Variants in KCND3 observed in about 807,000 individuals in gnomAD.
The protein encoded by KCND3 is potassium voltage-gated channel subfamily D member 3, also known as A-type voltage-gated potassium channel KCND3.
In KCND3, 9 loss-of-function variants were observed where a neutral mutation model predicts 51.1. That is an observed-to-expected ratio of 0.18 (90% confidence interval 0.11 to 0.31). The LOEUF (loss-of-function observed/expected upper bound fraction) is 0.31, where lower values mean the gene tolerates loss of function less well. Ranked by LOEUF, KCND3 falls within the 10% of genes least tolerant of loss-of-function variation. The pLI is 1.00. For missense variants in KCND3, 526 were observed against 903.8 expected, an observed-to-expected ratio of 0.58 and a Z score of 5.36; for synonymous variants, 349 against 368.0, an observed-to-expected ratio of 0.95 and a Z score of 0.59.
chr1:111,782,029 A>G (rs1423365785), intron 3 of KCND3, among the ~76,000 whole-genome samples: 69 of 152,228 alleles, frequency 4.5e-4, no homozygotes, highest in Middle Eastern at 6.8e-3. Context: ...CCACAAGGAT[A>G]GCAGACCCAT....
At chr1:111,938,147 G>A (rs924483142) in intron 2 of KCND3, among the ~76,000 whole-genome samples, 2 of 152,170 alleles carry the variant, frequency 1.3e-5, no homozygotes, top group African/African-American at 4.8e-5. Flanking sequence ...AGTGATGGAA[G>A]AAACCCTGGA....
chr1:111,853,797 G>A (rs1391999352), intron 2 of KCND3: 2 of 152,188 alleles, frequency 1.3e-5, no homozygotes, highest in Non-Finnish European at 2.9e-5. Context: ...ATGAATAAAT[G>A]ATTAACCTCA....
At chr1:111,858,612 G>A (rs1435606326) in intron 2 of KCND3, among the ~76,000 whole-genome samples, 2 of 152,000 alleles carry the variant, frequency 1.3e-5, no homozygotes. Flanking sequence ...TAAAAGTGTT[G>A]TGGGCCCTAA....
chr1:111,900,722 C>T (rs184885663), intron 2 of KCND3, among the ~76,000 whole-genome samples: 8 of 152,070 alleles, frequency 5.3e-5, no homozygotes, highest in East Asian at 3.9e-4. Flanking sequence ...TTTGGGAGGC[C>T]GAGGTGGGCG....
chr1:111,791,279 C>T (rs916256618), intron 2 of KCND3, among the ~76,000 whole-genome samples: 5 of 152,290 alleles, frequency 3.3e-5, no homozygotes, highest in Non-Finnish European at 5.9e-5. Context: ...TTTCTGATGG[C>T]TGATGATGTT....
intron 2 of KCND3, among the ~76,000 whole-genome samples, chr1:111,854,719 C>T (rs1412806822): frequency 2.0e-5 from 3 of 152,224 alleles, no homozygotes; most frequent in African/African-American, 7.2e-5. Flanking sequence ...TTGCAAATTG[C>T]TTCATCCATC....
At chr1:111,939,589 T>C (rs1180558759) in intron 2 of KCND3, among the ~76,000 whole-genome samples, 1 of 152,194 alleles carries the variant, frequency 6.6e-6, no homozygotes, top group Non-Finnish European at 1.5e-5. Flanking sequence ...TATTCCATGG[T>C]GTATATGTGC....
At chr1:111,803,277 C>T (rs1184950590) in intron 2 of KCND3, among the ~76,000 whole-genome samples, 1 of 152,180 alleles carries the variant, frequency 6.6e-6, no homozygotes, top group African/African-American at 2.4e-5. Context: ...TGCCTCTCCA[C>T]AGCCTCGCAC....
intron 2 of KCND3, among the ~76,000 whole-genome samples, chr1:111,802,781 G>T (rs1392408137): frequency 6.6e-6 from 1 of 152,188 alleles, no homozygotes; most frequent in Non-Finnish European, 1.5e-5. Flanking sequence ...CCTGCTCAGG[G>T]CCTAGGGACA....
intron 2 of KCND3, among the ~76,000 whole-genome samples, chr1:111,980,230 G>C (rs1164611241): frequency 1.3e-5 from 2 of 151,992 alleles, no homozygotes. Context: ...GTGTGTGTGT[G>C]TGTGTGTGGG....
chr1:111,985,640 T>C (rs1443923), intron 1 of KCND3, among the ~76,000 whole-genome samples: 152,037 of 152,330 alleles, frequency 1, 75,872 homozygotes, highest in Non-Finnish European at 1. Flanking sequence ...TGAGCGTTCT[T>C]TCTCCAGAGT....
At chr1:111,803,163 C>G (rs1571662002) in intron 2 of KCND3, among the ~76,000 whole-genome samples, 1 of 151,942 alleles carries the variant, frequency 6.6e-6, no homozygotes, top group African/African-American at 2.4e-5. Context: ...CCTCTAGTTC[C>G]AGGTGAGATG....
At position 111,981,770 on chromosome 1, in the gene KCND3, G is replaced by A. The variant is rs61733426; in HGVS notation, c.957C>T (p.Ser319=). 128 of 1,614,134 alleles carry A rather than the reference G, an allele frequency of 7.9e-5. No homozygotes were observed. Among genetic ancestry groups the A allele is most frequent in the Non-Finnish European group, 1.0e-4 (123 of 1,180,024 alleles). The change falls in exon 2 of 8, where the codon TCC becomes TCT. Residue 319 remains serine (S), a synonymous_variant. Transcript: ENST00000302127. This position sits in a 1 kb window ranked among gnomAD's most constrained non-coding sequence, Gnocchi z 6.2. ...GGGAGAAGAGAAGAAAGCCCAGTTC[G>A]GAGGCACAGCTCTTCAGTGTGTAGC... The part of the protein sequence containing the change: ...ILGYTLKSCA[S]ELGFLLFSLT...
At chr1:111,805,239 A>G (rs913548471) in intron 2 of KCND3, among the ~76,000 whole-genome samples, 2 of 152,170 alleles carry the variant, frequency 1.3e-5, no homozygotes, top group East Asian at 3.9e-4. Flanking sequence ...AAAAAAAGGT[A>G]AGAAAATCCT....
chr1:111,794,588 G>A (rs1265526168), intron 2 of KCND3, among the ~76,000 whole-genome samples: 2 of 152,232 alleles, frequency 1.3e-5, no homozygotes, highest in Non-Finnish European at 1.5e-5. Context: ...TGGGGATGGG[G>A]CACAGAAGCT....
At chr1:111,904,570 T>C (rs1670550307) in intron 2 of KCND3, among the ~76,000 whole-genome samples, 1 of 152,134 alleles carries the variant, frequency 6.6e-6, no homozygotes, top group Admixed American at 6.5e-5. Flanking sequence ...GTCAGCCTCT[T>C]TCAAAGCTGT....
At chr1:111,968,776 C>T (rs929579636) in intron 2 of KCND3, among the ~76,000 whole-genome samples, 1 of 152,172 alleles carries the variant, frequency 6.6e-6, no homozygotes, top group Non-Finnish European at 1.5e-5. Context: ...TGGCTTCCAG[C>T]TCTCTGCTGG....
intron 2 of KCND3, among the ~76,000 whole-genome samples, chr1:111,967,560 C>T (rs1415752190): frequency 6.6e-6 from 1 of 152,220 alleles, no homozygotes; most frequent in Non-Finnish European, 1.5e-5. Flanking sequence ...GGCAGGGCCT[C>T]CCAGGCCTCT....
intron 2 of KCND3, among the ~76,000 whole-genome samples, chr1:111,938,695 T>C (rs1012324517): frequency 6.6e-6 from 1 of 152,110 alleles, no homozygotes; most frequent in African/African-American, 2.4e-5. Context: ...GCAAAGGCCC[T>C]GAGGCAGGAA....
Sources: gnomAD v4.1 joint callset for allele counts (sites outside exome capture counted in the v4.1 genomes callset) on GRCh38, gnomAD v4.1.1 for gene constraint, Gnocchi (gnomAD v3.1) non-coding constraint, MANE v1.5 for transcripts, NCBI Gene and HGNC (gene_info 2026-07-23, HGNC 2026-07-21) for gene names.